Variants in DDX11 observed in about 807,000 individuals in gnomAD.
DDX11 encodes DEAD/H-box helicase 11.
A neutral mutation model predicts 125.2 loss-of-function variants in DDX11; 72 were observed. The ratio of observed to expected loss-of-function variants is 0.58; its 90% CI spans 0.48 to 0.70. The LOEUF (loss-of-function observed/expected upper bound fraction) is 0.70, where lower values mean the gene tolerates loss of function less well. DDX11 is among the 30% of genes least tolerant of loss of function. The pLI is 0.00. For missense variants in DDX11, 883 were observed against 1,165.0 expected (o/e 0.76, Z 3.52); for synonymous variants, 347 against 452.6 (o/e 0.77, Z 2.96).
chr12:31,075,939 C>T (rs1940641003), intron 1 of DDX11, among the ~76,000 whole-genome samples: 1 of 151,970 alleles, frequency 6.6e-6, no homozygotes, highest in Non-Finnish European at 1.5e-5. Context: ...GGTGTTTGAC[C>T]ACTGTCCAGC....
intron 17 of DDX11, among the ~76,000 whole-genome samples, chr12:31,097,679 C>CAA (rs10676316): frequency 0.27 from 25,371 of 92,722 alleles, 4,191 homozygotes; most frequent in East Asian, 0.77. Flanking sequence ...GACTCCATCT[C>CAA]AAAAAAAAAA....
intron 21 of DDX11, 106 bp from the exon 22 acceptor site, chr12:31,102,137 G>A (rs1242555182): frequency 2.3e-6 from 3 of 1,300,324 alleles, no homozygotes; most frequent in Admixed American, 1.9e-5. Context: ...AAAGTCCCTG[G>A]CTGTGAGGTT....
rs575516134 is a variant in DDX11 at position 31,088,030 on chromosome 12, G to A, written c.684+47G>A. The A allele has an allele frequency of 8.1e-6, 13 of 1,605,428 alleles. No individual in the cohort carries two copies. The African/African-American group carries it at 9.3e-5, about 12-fold the overall frequency. On this transcript the variant is annotated intron_variant, in intron 6 of 26. Coordinates refer to ENST00000542838, the MANE Select transcript of DDX11 (RefSeq NM_030653.4). ...GGTGCTGTGCTGGGGGTATAGGCTG[G>A]GCTGTGCACCCCTGGGGAGGAGGCT... is the stretch of plus-strand genomic sequence containing the variant.
At chr12:31,100,609 C>T (rs903351800) in intron 18 of DDX11, 26 bp from the exon 19 acceptor site, 3 of 1,550,990 alleles carry the variant, frequency 1.9e-6, no homozygotes, top group African/African-American at 1.4e-5. Context: ...GTCATGGGGC[C>T]GTGACGCTGT....
In DDX11 at chr12:31,101,916, C is replaced by T. The variant is rs1246232899; in HGVS notation, c.2136C>T (p.Tyr712=). ...TCTGTTTCTTCCCCTCCTACGAGTA[C>T]CTGCGCCAGGTCCATGCCCACTGGG... ...GVVCFFPSYE[Y]LRQVHAHWEK... Residue 712 remains tyrosine (Y), a synonymous_variant, in exon 21 of 27, where the codon TAC becomes TAT. Coordinates refer to ENST00000542838, the MANE Select transcript of DDX11 (RefSeq NM_030653.4). 1 of 1,613,888 alleles carries T rather than the reference C, an allele frequency of 6.2e-7. No individual in the cohort carries two copies. Among genetic ancestry groups the T allele is most frequent in the Non-Finnish European group, 8.5e-7 (1 of 1,179,846 alleles).
chr12:31,092,714 G>GCAGC (rs2140824817), intron 10 of DDX11, 132 bp from the exon 11 acceptor site: 1 of 928,254 alleles, frequency 1.1e-6, no homozygotes, highest in East Asian at 2.6e-5. Context: ...CCTTTTGTCT[G>GCAGC]CAGCCAGCCC....
intron 17 of DDX11, among the ~76,000 whole-genome samples, chr12:31,097,301 C>G (rs1405830030): frequency 2.0e-5 from 3 of 152,086 alleles, no homozygotes; most frequent in South Asian, 2.1e-4. Context: ...GGTAGGTGGG[C>G]TTTGGTTTGG....
Position 31,089,045 on chromosome 12 carries a change from T to C in DDX11, c.686T>C (p.Ile229Thr). Residue 229 changes from isoleucine to threonine, a missense_variant and splice_region_variant, in exon 7 of 27, where the codon ATT becomes ACT. By Grantham distance (89) the Ile-to-Thr change is moderately conservative. Coordinates refer to ENST00000542838, the MANE Select transcript of DDX11 (RefSeq NM_030653.4). ...AGCGCCTTTCTTTCTCTCTGCTAGA[T>C]TTATTACTGTAGTCGGACACACTCC... ...DDLEEEHITKIYYCSRTHSQL... is the reference protein window; with the variant it reads ...DDLEEEHITKTYYCSRTHSQL... 1 of 1,613,840 alleles carries C rather than the reference T, an allele frequency of 6.2e-7. No individual in the cohort carries two copies. The highest frequency in any genetic ancestry group is 8.5e-7 in the Non-Finnish European group (1 of 1,179,732).
chr12:31,101,411 C>CT (rs1946357973), intron 20 of DDX11: 1 of 540,928 alleles, frequency 1.8e-6, no homozygotes, highest in Non-Finnish European at 3.3e-6. Context: ...TGCTAGTTCC[C>CT]TTTGGCTCTC....
chr12:31,087,364 G>A (rs1462543364), intron 5 of DDX11, among the ~76,000 whole-genome samples: 5 of 152,170 alleles, frequency 3.3e-5, no homozygotes, highest in Middle Eastern at 3.4e-3. Context: ...CCTCCCTTGT[G>A]GACATGACAG....
Position 31,102,243 on chromosome 12 carries a change from A to G in DDX11, c.2203A>G (p.Ile735Val), listed in dbSNP as rs1262583568. The change falls in exon 22 of 27, where the codon ATA becomes GTA. Residue 735 changes from isoleucine to valine, a missense_variant and splice_region_variant. Transcript: ENST00000542838. ...LLGRLAARKK[I>V]FQEPKSAHQV... The stretch of plus-strand genomic sequence containing the variant: ...GGGAAATGTCCTCTGTCTTTCTCAG[A>G]TATTCCAGGAACCTAAGAGCGCACA... 6 of 1,613,864 alleles carry G rather than the reference A, an allele frequency of 3.7e-6. No individual in the cohort carries two copies. The highest frequency in any genetic ancestry group is 5.1e-6 in the Non-Finnish European group (6 of 1,179,718).
At chr12:31,079,640 G>A (rs1941458400) in intron 2 of DDX11, among the ~76,000 whole-genome samples, 1 of 150,500 alleles carries the variant, frequency 6.6e-6, no homozygotes, top group Non-Finnish European at 1.5e-5. Context: ...TCACATGGCG[G>A]GGTTAGGATT....
intron 1 of DDX11, among the ~76,000 whole-genome samples, chr12:31,076,151 C>T (rs902838323): frequency 6.6e-6 from 1 of 152,172 alleles, no homozygotes; most frequent in Non-Finnish European, 1.5e-5. Context: ...GGATTCAGAA[C>T]GAGGAGACAT....
At chr12:31,096,407 A>G in intron 15 of DDX11, 28 bp downstream of exon 15, 1 of 1,613,328 alleles carries the variant, frequency 6.2e-7, no homozygotes, top group Non-Finnish European at 8.5e-7. Flanking sequence ...GTGGTCCTGA[A>G]CAAGACCCAG....
chr12:31,077,844 G>GAA (rs368776702), intron 1 of DDX11: 135 of 172,982 alleles, frequency 7.8e-4, no homozygotes, highest in Middle Eastern at 2.8e-3. Flanking sequence ...ACTCTGTCTC[G>GAA]AAAAAAAAAA....
At chr12:31,080,794 G>C (rs576499114) in intron 2 of DDX11, among the ~76,000 whole-genome samples, 2 of 152,288 alleles carry the variant, frequency 1.3e-5, no homozygotes, top group South Asian at 4.1e-4. Flanking sequence ...GCCCAGGGCC[G>C]AGTGCAGTGT....
intron 23 of DDX11, 71 bp from the exon 24 acceptor site, chr12:31,102,865 A>G (rs1439334612): frequency 7.3e-7 from 1 of 1,378,156 alleles, no homozygotes; most frequent in Non-Finnish European, 1.0e-6. Flanking sequence ...AGAACGGAGC[A>G]GCTGGTGACG....
intron 2 of DDX11, among the ~76,000 whole-genome samples, chr12:31,080,511 C>T (rs1941692230): frequency 6.6e-6 from 1 of 152,156 alleles, no homozygotes. Context: ...CCTTTGTTTT[C>T]AGTGGCCTGC....
rs3168411 is a variant in DDX11 at position 31,096,926 on chromosome 12, C to T, written c.1698C>T (p.Ile566=). 1.3e-3 allele frequency: 2,084 copies of T among 1,614,146 alleles called. 32 individuals carry two copies. In the African/African-American group the frequency reaches 0.024, roughly 19 times the overall value. Residue 566 remains isoleucine, a synonymous_variant, in exon 17 of 27, where the codon ATC becomes ATT. Transcript: ENST00000542838. ...GACCAGCTTCTCCACTGATGCACATCCAAGGCTTCCTGGCAGCTCTCACTA... is the reference window on the plus strand; with the variant it reads ...GACCAGCTTCTCCACTGATGCACATTCAAGGCTTCCTGGCAGCTCTCACTA... ...TLRPASPLMH[I]QGFLAALTTA...
Sources: allele counts gnomAD v4.1 joint callset (sites outside exome capture counted in the v4.1 genomes callset), GRCh38; gene constraint gnomAD v4.1.1; transcripts MANE v1.5; gene names NCBI Gene and HGNC (gene_info 2026-07-23, HGNC 2026-07-21).